Variants in AR observed in about 807,000 individuals in gnomAD.
The protein encoded by AR is androgen receptor.
AR carries 8 observed loss-of-function variants against 53.9 expected under a neutral mutation model. The observed-to-expected ratio is 0.15, with a 90% CI of 0.09 to 0.27. The LOEUF is 0.27. Among genes scored for constraint, AR ranks in the 10% least tolerant of loss-of-function variants. AR has a pLI of 1.00. For missense variants in AR, 639 were observed against 742.5 expected (o/e 0.86, Z 1.62); for synonymous variants, 359 against 316.4 (o/e 1.13, Z -1.43).
intron 3 of AR, among the ~76,000 whole-genome samples, chrX:67,694,117 A>C (rs146045388): frequency 8.9e-6 from 1 of 111,779 alleles, no homozygotes; most frequent in East Asian, 2.8e-4. Flanking sequence ...CTCAGGGTGG[A>C]AAATGAGGCA....
At chrX:67,606,440 A>G (rs1923626187) in intron 1 of AR, among the ~76,000 whole-genome samples, 1 of 112,312 alleles carries the variant, frequency 8.9e-6, no homozygotes, top group Non-Finnish European at 1.9e-5. Context: ...CACCTCACAT[A>G]CTTATTTTTT....
rs757646041 is a variant in AR, at chrX:67,709,690, C to T, written c.1886-1712C>T. Among the ~76,000 whole-genome samples the T allele has an allele frequency of 1.1e-4, 12 of 112,258 alleles. No individual in the cohort carries two copies. The South Asian group carries it at 4.5e-3, about 42-fold the overall frequency. On this transcript the variant is annotated intron_variant, in intron 3 of 7. Coordinates refer to ENST00000374690, the MANE Select transcript of AR (RefSeq NM_000044.6). Reference sequence around the variant, plus strand: ...AAGCCCCAGTGAGATGAACCCGGTACCTCAGTCGGAAATGCAGAAATCACT... The same window carrying T: ...AAGCCCCAGTGAGATGAACCCGGTATCTCAGTCGGAAATGCAGAAATCACT...
Position 67,603,455 on chromosome X carries a change from T to G in AR, c.1617-39801T>G, listed in dbSNP as rs1261287814. Among the ~76,000 whole-genome samples the G allele has an allele frequency of 4.5e-5, 5 of 111,615 alleles. No homozygotes were observed. The East Asian group carries it at 1.4e-3, about 32-fold the overall frequency. ...GAGGAGATTGTCTGTGAACTGGGCC[T>G]TGAAGAATAGTTAGGATTTGAATAG... On this transcript the variant is annotated intron_variant, in intron 1 of 7. Coordinates refer to ENST00000374690, the MANE Select transcript of AR (RefSeq NM_000044.6).
Position 67,728,885 on chromosome X carries a change from A to G in AR, c.*5044A>G. On this transcript the variant is annotated 3_prime_UTR_variant, in exon 8 of 8. Transcript: ENST00000374690. ...CTAGTTCAAGACAGATGAATGTGGA[A>G]AGCATAAAAACTCAATGGAACTGAC... 5.8e-6 allele frequency: 1 copy of G among 172,106 alleles called. No homozygotes were observed. The allele number at this position is 172,106 out of a possible 1,213,427, so 14.2% of individuals were successfully genotyped here.
Position 67,606,294 on chromosome X carries a change from A to T in AR, c.1617-36962A>T, listed in dbSNP as rs1165372428. Among the ~76,000 whole-genome samples the T allele has an allele frequency of 4.5e-5, 5 of 111,498 alleles. No homozygotes were observed. The Admixed American group carries it at 4.8e-4, about 11-fold the overall frequency. The stretch of plus-strand genomic sequence containing the variant: ...TAGGTTACAAAGGGCCTTGGATGAC[A>T]TGCTGAGGGGTTTTAAAATTTTATT... On this transcript the variant is annotated intron_variant, in intron 1 of 7. Coordinates refer to ENST00000374690, the MANE Select transcript of AR (RefSeq NM_000044.6).
chrX:67,684,703 C>G (rs1028915556), intron 2 of AR, among the ~76,000 whole-genome samples: 5 of 111,944 alleles, frequency 4.5e-5, no homozygotes, highest in South Asian at 7.4e-4. Flanking sequence ...TATGTTCTTG[C>G]AAGTAGCACT....
intron 1 of AR, among the ~76,000 whole-genome samples, chrX:67,600,858 G>A (rs967223499): frequency 3.6e-5 from 4 of 110,496 alleles, no homozygotes; most frequent in African/African-American, 1.3e-4. Flanking sequence ...AAAAAAAACT[G>A]TGCATTAAAG....
At chrX:67,599,135 T>C (rs1009655256) in intron 1 of AR, among the ~76,000 whole-genome samples, 2 of 112,144 alleles carry the variant, frequency 1.8e-5, no homozygotes, top group African/African-American at 6.5e-5. Flanking sequence ...GTGGCATTAC[T>C]TGCTCCTGTA....
intron 2 of AR, among the ~76,000 whole-genome samples, chrX:67,664,001 T>A (rs1411255551): frequency 8.9e-6 from 1 of 111,857 alleles, no homozygotes; most frequent in African/African-American, 3.3e-5. Flanking sequence ...CTGCATTGGT[T>A]ATTCTAGTTA....
chrX:67,546,046 C>G lies in AR; in HGVS notation c.900C>G (p.Gly300=), dbSNP rs747970053. The change falls in exon 1 of 8, where the codon GGC becomes GGG. Residue 300 remains glycine (G), a synonymous_variant. Transcript: ENST00000374690. ...CKGSLLDDSA[G]KSTEDTAEYS... ...GTTCTCTGCTAGACGACAGCGCAGG[C>G]AAGAGCACTGAAGATACTGCTGAGT... The G allele has an allele frequency of 6.6e-6, 8 of 1,211,104 alleles. No homozygotes were observed. Among genetic ancestry groups the G allele is most frequent in the Non-Finnish European group, 7.8e-6 (7 of 895,417 alleles).
chrX:67,627,614 G>A (rs1244646940), intron 1 of AR, among the ~76,000 whole-genome samples: 4 of 111,564 alleles, frequency 3.6e-5, no homozygotes, highest in Non-Finnish European at 5.6e-5. Context: ...TTCTTTTGCT[G>A]TGCAGAAGCT....
chrX:67,695,716 C>T, intron 3 of AR: 1 of 751,398 alleles, frequency 1.3e-6, no homozygotes, highest in Non-Finnish European at 1.6e-6. Context: ...GCCTGTCTTT[C>T]CCACCTTCTC....
chrX:67,604,196 A>ATG (rs1491359572), intron 1 of AR, among the ~76,000 whole-genome samples: 6 of 73,819 alleles, frequency 8.1e-5, no homozygotes, highest in Admixed American at 3.1e-4. Flanking sequence ...CTGGGGAGAA[A>ATG]TATGTGTGTG....
intron 1 of AR, among the ~76,000 whole-genome samples, chrX:67,591,864 TAAAC>T (rs1225290280): frequency 8.9e-6 from 1 of 111,781 alleles, no homozygotes; most frequent in Non-Finnish European, 1.9e-5. Flanking sequence ...TTCCCTTAAA[TAAAC>T]AAGACATACA....
intron 1 of AR, among the ~76,000 whole-genome samples, chrX:67,636,564 G>A (rs1278028635): frequency 2.7e-5 from 3 of 111,609 alleles, no homozygotes. Flanking sequence ...GTCAGTTAAT[G>A]TTTATCATTT....
intron 1 of AR, among the ~76,000 whole-genome samples, chrX:67,550,673 A>G (rs1302103454): frequency 4.6e-5 from 5 of 108,929 alleles, no homozygotes; most frequent in African/African-American, 1.7e-4. Flanking sequence ...AAAAAAAACC[A>G]AACAAAAAAA....
Position 67,726,405 on chromosome X carries a change from A to G in AR, c.*2564A>G, listed in dbSNP as rs1404073017. On this transcript the variant is annotated 3_prime_UTR_variant, in exon 8 of 8. Coordinates refer to ENST00000374690, the MANE Select transcript of AR (RefSeq NM_000044.6). The stretch of plus-strand genomic sequence containing the variant: ...TTTGGAATGATTTTCATCTTTTGTG[A>G]TACACAGATTGAATTATATCATTTT... 1 of 173,812 alleles carries G rather than the reference A, an allele frequency of 5.8e-6. No homozygotes were observed. Among genetic ancestry groups the G allele is most frequent in the African/African-American group, 2.9e-5 (1 of 34,054 alleles). 14.3% of individuals were successfully genotyped at this position (173,812 alleles called of 1,213,427 possible).
chrX:67,609,386 C>T (rs1484114503), intron 1 of AR, among the ~76,000 whole-genome samples: 3 of 111,148 alleles, frequency 2.7e-5, no homozygotes, highest in Non-Finnish European at 5.7e-5. Flanking sequence ...GTACTAATTT[C>T]GCTGCAATCT....
At chrX:67,714,664 C>T (rs762879712) in intron 4 of AR, among the ~76,000 whole-genome samples, 1 of 112,077 alleles carries the variant, frequency 8.9e-6, no homozygotes, top group Non-Finnish European at 1.9e-5. Flanking sequence ...TGCTCCCTAG[C>T]GTGTTTAATG....
Sources: allele counts gnomAD v4.1 joint callset (sites outside exome capture counted in the v4.1 genomes callset), GRCh38; gene constraint gnomAD v4.1.1; transcripts MANE v1.5; gene names NCBI Gene and HGNC (gene_info 2026-07-23, HGNC 2026-07-21).